FAF1: variants seen among roughly 807,000 people sequenced by gnomAD.
The protein encoded by FAF1 is FAS-associated factor 1.
Under a neutral mutation model 92.5 loss-of-function variants are expected in FAF1, and 25 were observed. The ratio of observed to expected loss-of-function variants is 0.27; its 90% CI spans 0.20 to 0.38. The LOEUF (loss-of-function observed/expected upper bound fraction) is 0.38, where lower values mean the gene tolerates loss of function less well. Among genes scored for constraint, FAF1 ranks in the 10% least tolerant of loss-of-function variants. The probability of loss-of-function intolerance (pLI) is 1.00; values close to 1 mark genes in which losing one functional copy is unlikely to be tolerated. For synonymous variants in FAF1, 234 were observed against 273.2 expected (o/e 0.86, Z 1.42); for missense variants, 636 against 793.3 (o/e 0.80, Z 2.38).
chr1:50,653,776 G>A (rs147011128), intron 8 of FAF1, among the ~76,000 whole-genome samples: 2,234 of 152,208 alleles, frequency 0.015, 55 homozygotes, highest in African/African-American at 0.052. Context: ...TGAGGCAGGA[G>A]AATCAATCGC....
intron 4 of FAF1, among the ~76,000 whole-genome samples, chr1:50,746,732 A>T (rs80286553): frequency 0.026 from 3,894 of 152,314 alleles, 60 homozygotes; most frequent in Non-Finnish European, 0.042. Flanking sequence ...TACATAAGTA[A>T]AGAAAAGCCA....
chr1:50,670,529 C>A (rs1655828162), intron 7 of FAF1, among the ~76,000 whole-genome samples: 1 of 152,188 alleles, frequency 6.6e-6, no homozygotes, highest in African/African-American at 2.4e-5. Context: ...TGCTTCACTT[C>A]ATTCTTATTT....
At position 50,596,208 on chromosome 1, in the gene FAF1, A is replaced by G. The variant is rs1409037270; in HGVS notation, c.753T>C (p.Leu251=). 2 of 1,612,190 alleles carry G rather than the reference A, an allele frequency of 1.2e-6. No homozygotes were observed. Among genetic ancestry groups the G allele is most frequent in the Non-Finnish European group, 1.7e-6 (2 of 1,178,398 alleles). ...PTSATDDSMC[L]AESGLSYPCH... The stretch of plus-strand genomic sequence containing the variant: ...AGGGATAAGAGAGCCCTGATTCAGC[A>G]AGACACATCTGCAAAAAGTAGAATC... The change falls in exon 9 of 19, where the codon CTT becomes CTC. Residue 251 remains leucine, a synonymous_variant. Transcript: ENST00000396153.
chr1:50,531,302 AG>A (rs1197643214), intron 15 of FAF1, among the ~76,000 whole-genome samples: 1 of 152,196 alleles, frequency 6.6e-6, no homozygotes, highest in Non-Finnish European at 1.5e-5. Context: ...CCTTGCAAGC[AG>A]GATAGAGGAT....
chr1:50,598,368 G>A (rs917447969), intron 8 of FAF1, among the ~76,000 whole-genome samples: 4 of 150,684 alleles, frequency 2.7e-5, no homozygotes, highest in African/African-American at 9.8e-5. Context: ...AGGCTGAGAT[G>A]GGAGGATTGC....
chr1:50,588,628 G>C (rs1187346568), intron 9 of FAF1, among the ~76,000 whole-genome samples: 1 of 152,146 alleles, frequency 6.6e-6, no homozygotes, highest in Admixed American at 6.5e-5. Flanking sequence ...GAGGTCTAGG[G>C]GGGACACTGA....
chr1:50,647,114 G>A (rs924666169), intron 8 of FAF1, among the ~76,000 whole-genome samples: 7 of 152,076 alleles, frequency 4.6e-5, no homozygotes, highest in African/African-American at 9.7e-5. Flanking sequence ...CTCCCAAACC[G>A]CTGGGAGTAT....
At chr1:50,628,573 G>C (rs1215761323) in intron 8 of FAF1, among the ~76,000 whole-genome samples, 1 of 152,124 alleles carries the variant, frequency 6.6e-6, no homozygotes, top group Non-Finnish European at 1.5e-5. Context: ...GATGAAAAAG[G>C]CTAGAAGGAC....
intron 13 of FAF1, among the ~76,000 whole-genome samples, chr1:50,561,852 A>AGGAAGGAG (rs1227266675): frequency 1.8e-5 from 2 of 111,464 alleles, no homozygotes; most frequent in Non-Finnish European, 3.6e-5. Flanking sequence ...GATGGACGGA[A>AGGAAGGAG]GGAAGGAAGG....
At chr1:50,838,725 A>G (rs185855983) in intron 2 of FAF1, among the ~76,000 whole-genome samples, 1 of 152,144 alleles carries the variant, frequency 6.6e-6, no homozygotes, top group Non-Finnish European at 1.5e-5. Flanking sequence ...CAGAGAAATA[A>G]CATGCAGAGG....
intron 1 of FAF1, among the ~76,000 whole-genome samples, chr1:50,859,363 C>G (rs1230137503): frequency 1.3e-5 from 2 of 151,620 alleles, no homozygotes; most frequent in Non-Finnish European, 3.0e-5. Flanking sequence ...TCTAGAAAAC[C>G]CTAAAGACTG....
intron 2 of FAF1, among the ~76,000 whole-genome samples, chr1:50,821,958 T>C (rs1644047352): frequency 6.6e-6 from 1 of 152,010 alleles, no homozygotes; most frequent in Admixed American, 6.6e-5. Context: ...TGATTACAGA[T>C]AAGATGAGGA....
intron 4 of FAF1, among the ~76,000 whole-genome samples, chr1:50,776,102 T>C (rs950620290): frequency 1.3e-5 from 2 of 152,200 alleles, no homozygotes; most frequent in Non-Finnish European, 2.9e-5. Context: ...CTATGAAGAA[T>C]ATGACTGGAA....
Position 50,779,944 on chromosome 1 carries a change from A to G in FAF1, c.367+8056T>C, listed in dbSNP as rs555976441. Among the ~76,000 whole-genome samples, 7 of 151,632 alleles carry G rather than the reference A, an allele frequency of 4.6e-5. No individual in the cohort carries two copies. The South Asian group carries it at 1.5e-3, about 32-fold the overall frequency. On this transcript the variant is annotated intron_variant, in intron 4 of 18. Transcript: ENST00000396153. ...AAAAAAAGAAAAAGAAAAAGAAAAA[A>G]AAGGAATCAAAGCATATCACTACAA...
chr1:50,643,746 C>T (rs1654453115), intron 8 of FAF1, among the ~76,000 whole-genome samples: 1 of 152,146 alleles, frequency 6.6e-6, no homozygotes, highest in African/African-American at 2.4e-5. Context: ...GCATGCACCA[C>T]CATGCCTGGC....
chr1:50,698,685 T>C (rs1282592320), intron 7 of FAF1, among the ~76,000 whole-genome samples: 6 of 152,142 alleles, frequency 3.9e-5, no homozygotes, highest in African/African-American at 1.4e-4. Flanking sequence ...AATTTCATTG[T>C]ATATTTTGCT....
chr1:50,936,857 G>C (rs893793700), intron 1 of FAF1, among the ~76,000 whole-genome samples: 6 of 151,990 alleles, frequency 3.9e-5, no homozygotes, highest in African/African-American at 1.4e-4. Context: ...ATAAAACATA[G>C]GATCAATGAA....
chr1:50,694,157 G>A (rs1657084835), intron 7 of FAF1, among the ~76,000 whole-genome samples: 1 of 148,648 alleles, frequency 6.7e-6, no homozygotes, highest in Non-Finnish European at 1.5e-5. Context: ...TTTAGGATAT[G>A]AGGAATAAGG....
At chr1:50,585,660 T>G (rs1475369080) in intron 9 of FAF1, among the ~76,000 whole-genome samples, 1 of 152,116 alleles carries the variant, frequency 6.6e-6, no homozygotes, top group Non-Finnish European at 1.5e-5. Context: ...GTCTGTCCTA[T>G]GTTCAATAAA....
Sources: allele counts gnomAD v4.1 joint callset (sites outside exome capture counted in the v4.1 genomes callset), GRCh38; gene constraint gnomAD v4.1.1; transcripts MANE v1.5; gene names NCBI Gene and HGNC (gene_info 2026-07-23, HGNC 2026-07-21).